Variants in DPP6 observed in about 807,000 individuals in gnomAD.
The protein encoded by DPP6 is A-type potassium channel modulatory protein DPP6.
Under a neutral mutation model 122.6 loss-of-function variants are expected in DPP6, and 69 were observed. The ratio of observed to expected loss-of-function variants is 0.56; its 90% CI spans 0.46 to 0.69. The LOEUF (loss-of-function observed/expected upper bound fraction) is 0.69. Among genes scored for constraint, DPP6 ranks in the 30% least tolerant of loss-of-function variants. DPP6 has a pLI of 0.00. For synonymous variants in DPP6, 418 were observed against 433.1 expected (o/e 0.97, Z 0.43); for missense variants, 928 against 1,116.9 (o/e 0.83, Z 2.41).
intron 1 of DPP6, among the ~76,000 whole-genome samples, chr7:154,160,039 G>T (rs56144513): frequency 0.11 from 17,221 of 150,584 alleles, 1,005 homozygotes; most frequent in African/African-American, 0.3. Context: ...ATCCCAGCAG[G>T]GTCAAGGCGG....
intron 1 of DPP6, among the ~76,000 whole-genome samples, chr7:154,127,353 TA>T (rs1366005794): frequency 6.6e-6 from 1 of 152,192 alleles, no homozygotes; most frequent in African/African-American, 2.4e-5. Context: ...TAGGTACAGA[TA>T]AGAGGCATTT....
At chr7:154,492,849 T>C (rs763305224) in intron 3 of DPP6, among the ~76,000 whole-genome samples, 5 of 152,204 alleles carry the variant, frequency 3.3e-5, no homozygotes, top group Admixed American at 6.5e-5. Flanking sequence ...CCTCAACATA[T>C]GAGGATTTGT....
In DPP6 at chr7:154,868,067, A is replaced by G. The variant is rs1804042494; in HGVS notation, c.1787A>G (p.Tyr596Cys). The G allele has an allele frequency of 1.9e-6, 3 of 1,608,704 alleles. No individual in the cohort carries two copies. The highest frequency in any genetic ancestry group is 2.7e-5 in the African/African-American group (2 of 74,980). The change falls in exon 18 of 26, where the codon TAC (tyrosine) becomes TGC (cysteine). Residue 596 changes from tyrosine (Y) to cysteine (C), a missense_variant. Transcript: ENST00000377770. ...GACCGACAGATGCCTAAAGTGGAAT[A>G]CAGGGACATTGAGATTGATGATTAC... ...INDRQMPKVE[Y>C]RDIEIDDYNL...
At chr7:154,774,922 G>T (rs1796470695) in intron 10 of DPP6, among the ~76,000 whole-genome samples, 1 of 152,200 alleles carries the variant, frequency 6.6e-6, no homozygotes, top group South Asian at 2.1e-4. Context: ...CTGGAGGGTG[G>T]CAGTGTCACG....
intron 2 of DPP6, among the ~76,000 whole-genome samples, chr7:154,465,161 C>A (rs10272333): frequency 0.098 from 14,900 of 152,142 alleles, 2,421 homozygotes; most frequent in African/African-American, 0.34. Flanking sequence ...AAGGAGGGGC[C>A]TACTGTAAGT....
chr7:154,545,562 G>T (rs1372178565), intron 4 of DPP6, among the ~76,000 whole-genome samples: 3 of 139,320 alleles, frequency 2.2e-5, no homozygotes, highest in African/African-American at 8.0e-5. Flanking sequence ...AATACATTTT[G>T]CTGAACTAAA....
rs73167364 is a variant in DPP6 at position 154,377,562 on chromosome 7, G to C, written c.244-68652G>C. ...GGATCATGAGGGCAGTTTCCTTCTT[G>C]CTGTTCTCCTGATAGTGAATGAGTT... On this transcript the variant is annotated intron_variant, in intron 1 of 25. Coordinates refer to ENST00000377770, the MANE Select transcript of DPP6 (RefSeq NM_130797.4). Among the ~76,000 whole-genome samples, 679 of 152,288 alleles carry C rather than the reference G, an allele frequency of 4.5e-3. 1 individual carries two copies. Among genetic ancestry groups the C allele is most frequent in the Non-Finnish European group, 7.8e-3 (529 of 68,024 alleles).
chr7:154,760,039 C>G lies in DPP6; in HGVS notation c.884-9378C>G, dbSNP rs1015114211. 6.6e-6 allele frequency among the ~76,000 whole-genome samples: 1 copy of G among 152,202 alleles called. No homozygotes were observed. The highest frequency in any genetic ancestry group is 2.4e-5 in the African/African-American group (1 of 41,454). ...TCGGGAGGCCGAGGCAGAAGAATCA[C>G]TTGAACCCAGCAGGCAGAGGTTGCA... On this transcript the variant is annotated intron_variant, in intron 8 of 25. Coordinates refer to ENST00000377770, the MANE Select transcript of DPP6 (RefSeq NM_130797.4). The surrounding 1 kb of genome is among the most constrained non-coding windows in gnomAD (Gnocchi z 4.5).
intron 1 of DPP6, among the ~76,000 whole-genome samples, chr7:154,400,281 A>G (rs1301272627): frequency 6.6e-6 from 1 of 152,184 alleles, no homozygotes; most frequent in East Asian, 1.9e-4. Context: ...ACACAGCCCT[A>G]AGTGCCACAT....
intron 1 of DPP6, among the ~76,000 whole-genome samples, chr7:153,968,509 A>G (rs1185829629): frequency 6.6e-6 from 1 of 151,952 alleles, no homozygotes; most frequent in African/African-American, 2.4e-5. Context: ...TTTTTAGCAT[A>G]TCCAGAGAGC....
chr7:154,142,203 G>T (rs1177988717), intron 1 of DPP6, among the ~76,000 whole-genome samples: 1 of 151,286 alleles, frequency 6.6e-6, no homozygotes. Context: ...AAGTGATAGA[G>T]ATTTTAATTT....
At chr7:154,340,118 A>T (rs1477227013) in intron 1 of DPP6, among the ~76,000 whole-genome samples, 1 of 152,170 alleles carries the variant, frequency 6.6e-6, no homozygotes, top group East Asian at 1.9e-4. Context: ...GAAACACAAC[A>T]TCAAAATTGT....
chr7:153,994,600 C>T (rs1365724473), intron 1 of DPP6, among the ~76,000 whole-genome samples: 1 of 152,126 alleles, frequency 6.6e-6, no homozygotes, highest in Non-Finnish European at 1.5e-5. Context: ...TGAACATCTG[C>T]CAGAAAGAAG....
intron 1 of DPP6, among the ~76,000 whole-genome samples, chr7:154,149,946 G>A (rs889194265): frequency 6.6e-6 from 1 of 152,120 alleles, no homozygotes; most frequent in African/African-American, 2.4e-5. Context: ...CTCATTGGGA[G>A]AAGGCGGCTC....
the DPP6 span, among the ~76,000 whole-genome samples, chr7:153,771,722 T>C: frequency 6.6e-6 from 1 of 152,014 alleles, no homozygotes; most frequent in Non-Finnish European, 1.5e-5. Context: ...CTTTCAAAAA[T>C]GAAGGAGAAA....
intron 5 of DPP6, among the ~76,000 whole-genome samples, chr7:154,631,270 G>T (rs1835391359): frequency 6.6e-6 from 1 of 152,204 alleles, no homozygotes; most frequent in Non-Finnish European, 1.5e-5. Context: ...GAAGAGCCTG[G>T]ATGGAGGGGC....
chr7:154,199,472 G>C (rs777344392), intron 1 of DPP6, among the ~76,000 whole-genome samples: 2 of 152,114 alleles, frequency 1.3e-5, no homozygotes, highest in African/African-American at 2.4e-5. Flanking sequence ...AAACTTAATT[G>C]GTAGCTGAGT....
chr7:153,923,232 A>G (rs1444696211), intron 1 of DPP6, among the ~76,000 whole-genome samples: 1 of 152,186 alleles, frequency 6.6e-6, no homozygotes, highest in Non-Finnish European at 1.5e-5. Context: ...GTTGAAAATT[A>G]TTGCCTGTTA....
chr7:154,737,838 C>A (rs1842640977), intron 8 of DPP6, among the ~76,000 whole-genome samples: 1 of 152,210 alleles, frequency 6.6e-6, no homozygotes, highest in African/African-American at 2.4e-5. Flanking sequence ...CCCAACAGAC[C>A]TTGATTTAAG....
Sources: allele counts gnomAD v4.1 joint callset (sites outside exome capture counted in the v4.1 genomes callset), GRCh38; gene constraint gnomAD v4.1.1; non-coding constraint Gnocchi (gnomAD v3.1); transcripts MANE v1.5; gene names NCBI Gene and HGNC (gene_info 2026-07-23, HGNC 2026-07-21).